The following GRB10 variants were observed in gnomAD, a reference collection of about 807,000 sequenced individuals.
The protein encoded by GRB10 is growth factor receptor-bound protein 10.
A neutral mutation model predicts 80.9 loss-of-function variants in GRB10; 20 were observed. The ratio of observed to expected loss-of-function variants is 0.25; its 90% confidence interval spans 0.17 to 0.36. GRB10 has a LOEUF of 0.36. Ranked by LOEUF, GRB10 falls within the 10% of genes least tolerant of loss-of-function variation. The probability of loss-of-function intolerance (pLI) is 1.00; values close to 1 mark genes in which losing one functional copy is unlikely to be tolerated. For missense variants in GRB10, 548 were observed against 747.7 expected (o/e 0.73, Z 3.12); for synonymous variants, 291 against 291.5 (o/e 1.00, Z 0.02).
chr7:50,708,642 G>A (rs1030633790), intron 4 of GRB10, among the ~76,000 whole-genome samples: 3 of 151,048 alleles, frequency 2.0e-5, no homozygotes, highest in Non-Finnish European at 4.4e-5. Context: ...GGGAAGGACT[G>A]GGAAGGGAAT....
At chr7:50,595,722 C>T (rs1271360565) in intron 17 of GRB10, 192 bp from the exon 18 acceptor site, 10 of 558,278 alleles carry the variant, frequency 1.8e-5, no homozygotes, top group South Asian at 3.9e-5. Context: ...AGCACCAAGA[C>T]GGTAATTCTG....
At position 50,711,458 on chromosome 7, in the gene GRB10, G is replaced by A. The variant is rs139125907; in HGVS notation, c.52-7550C>T. Among the ~76,000 whole-genome samples the A allele has an allele frequency of 1.9e-3, 297 of 152,334 alleles. 1 individual carries two copies. Among genetic ancestry groups the A allele is most frequent in the African/African-American group, 6.5e-3 (271 of 41,578 alleles). ...ACATTGCTGGAGTCCACCCAAGGGC[G>A]CTGAGTCTGCAGATGAACATGTGAA... On this transcript the variant is annotated intron_variant, in intron 4 of 18. Transcript: ENST00000401949.
At chr7:50,610,275 G>A (rs568764362) in intron 13 of GRB10, among the ~76,000 whole-genome samples, 129 of 152,322 alleles carry the variant, frequency 8.5e-4, no homozygotes, top group Non-Finnish European at 1.6e-3. Flanking sequence ...ATGAATCAGT[G>A]CCGACAACAC....
Position 50,763,023 on chromosome 7 carries a change from C to G in GRB10, c.-216-6967G>C, listed in dbSNP as rs899565383. On this transcript the variant is annotated intron_variant, in intron 2 of 18. Coordinates refer to ENST00000401949, the MANE Select transcript of GRB10 (RefSeq NM_001350814.2). ...GTCCCAGCTACTCAGGAGGCTGAGG[C>G]AGGAGAATGGCATGAACCTGGGAGG... Among the ~76,000 whole-genome samples the G allele has an allele frequency of 2.0e-5, 3 of 151,340 alleles. No homozygotes were observed. In the South Asian group the frequency reaches 6.2e-4, roughly 31 times the overall value.
chr7:50,748,214 C>T (rs954600118), intron 3 of GRB10, among the ~76,000 whole-genome samples: 4 of 152,170 alleles, frequency 2.6e-5, no homozygotes, highest in African/African-American at 7.2e-5. Context: ...ATTAAGGAAG[C>T]CCTAGGTAGG....
At chr7:50,668,711 C>T (rs146768674) in intron 7 of GRB10, among the ~76,000 whole-genome samples, 1 of 152,274 alleles carries the variant, frequency 6.6e-6, no homozygotes, top group African/African-American at 2.4e-5. Flanking sequence ...ATCACCTCCA[C>T]CCCTAGGGGT....
At chr7:50,639,189 T>C (rs1245901124) in intron 7 of GRB10, among the ~76,000 whole-genome samples, 1 of 152,192 alleles carries the variant, frequency 6.6e-6, no homozygotes, top group Non-Finnish European at 1.5e-5. Context: ...CAAACCTCAT[T>C]ATTATGCAAT....
chr7:50,664,116 G>C (rs1047142620), intron 7 of GRB10, among the ~76,000 whole-genome samples: 4 of 152,182 alleles, frequency 2.6e-5, no homozygotes, highest in African/African-American at 9.7e-5. Context: ...GGACACCGAC[G>C]CTCAGTCTTG....
chr7:50,747,026 T>G (rs1407700748), intron 3 of GRB10, among the ~76,000 whole-genome samples: 1 of 152,198 alleles, frequency 6.6e-6, no homozygotes, highest in East Asian at 1.9e-4. Flanking sequence ...CTGCAAGTGT[T>G]GACAAAGCAT....
intron 2 of GRB10, among the ~76,000 whole-genome samples, chr7:50,770,846 G>GA (rs912265899): frequency 7.2e-5 from 11 of 152,092 alleles, no homozygotes; most frequent in African/African-American, 2.4e-4. Context: ...TTTACATGGA[G>GA]AAAAAATATT....
chr7:50,745,473 AAG>A (rs1019219653), intron 3 of GRB10, among the ~76,000 whole-genome samples: 1 of 152,198 alleles, frequency 6.6e-6, no homozygotes, highest in Admixed American at 6.5e-5. Context: ...AATTAAGACA[AAG>A]AGGGGAACAA....
chr7:50,704,551 T>C (rs1423604290), intron 4 of GRB10, among the ~76,000 whole-genome samples: 2 of 152,264 alleles, frequency 1.3e-5, no homozygotes, highest in Non-Finnish European at 2.9e-5. Flanking sequence ...TGTTTTCTCT[T>C]ATAGATTTAT....
At chr7:50,623,587 G>A (rs529050442) in intron 8 of GRB10, among the ~76,000 whole-genome samples, 2 of 152,318 alleles carry the variant, frequency 1.3e-5, no homozygotes, top group South Asian at 4.1e-4. Flanking sequence ...CATCTCAGAG[G>A]AGCGATGCCC....
At position 50,669,735 on chromosome 7, in the gene GRB10, G is replaced by T; in HGVS notation, c.491C>A (p.Ala164Asp). ...GGGCACACTCACCTGCTTTGCGGCG[G>T]CCTGGCTCGGAGGTAAAGAACCCGG... ...LTPGSLPPSQ[A>D]AAKQDVKVFS... The change falls in exon 7 of 19, where the codon GCC becomes GAC. Residue 164 changes from alanine to aspartate, a missense_variant. This residue lies in a region of GRB10 where 245 missense variants were observed against 229.3 expected (regional missense o/e 1.07). Coordinates refer to ENST00000401949, the MANE Select transcript of GRB10 (RefSeq NM_001350814.2). 6.2e-7 allele frequency: 1 copy of T among 1,613,148 alleles called. No individual in the cohort carries two copies.
At chr7:50,605,267 G>T in intron 15 of GRB10, 23 bp downstream of exon 15, 2 of 1,573,924 alleles carry the variant, frequency 1.3e-6, no homozygotes, top group Non-Finnish European at 1.7e-6. Context: ...GCCCCTCCAG[G>T]CTGGCCAGGG....
intron 17 of GRB10, among the ~76,000 whole-genome samples, chr7:50,601,857 C>T (rs1282345902): frequency 6.6e-6 from 1 of 152,086 alleles, no homozygotes; most frequent in Non-Finnish European, 1.5e-5. Flanking sequence ...AATCAGGGTC[C>T]CTGTGAGAAA....
At chr7:50,632,645 T>G (rs960942250) in intron 7 of GRB10, among the ~76,000 whole-genome samples, 1 of 152,252 alleles carries the variant, frequency 6.6e-6, no homozygotes, top group East Asian at 1.9e-4. Flanking sequence ...CTCAGGGCAG[T>G]GCGGATGACT....
At chr7:50,711,620 G>A (rs928378421) in intron 4 of GRB10, among the ~76,000 whole-genome samples, 1 of 152,112 alleles carries the variant, frequency 6.6e-6, no homozygotes, top group Non-Finnish European at 1.5e-5. Context: ...GAAAGCGGAG[G>A]CATCACCCAG....
At chr7:50,690,067 C>T (rs1188889188) in intron 5 of GRB10, among the ~76,000 whole-genome samples, 6 of 151,850 alleles carry the variant, frequency 4.0e-5, no homozygotes, top group Non-Finnish European at 7.4e-5. Context: ...GAGGCCAAGA[C>T]GGGAGGATCA....
Sources: allele counts gnomAD v4.1 joint callset (sites outside exome capture counted in the v4.1 genomes callset), GRCh38; gene constraint gnomAD v4.1.1; regional missense constraint gnomAD v4.1.1; transcripts MANE v1.5; gene names NCBI Gene and HGNC (gene_info 2026-07-23, HGNC 2026-07-21).